MCCC1: variants seen among roughly 807,000 people sequenced by gnomAD.
MCCC1 encodes methylcrotonoyl-CoA carboxylase subunit alpha, mitochondrial.
In MCCC1, 64 loss-of-function variants were observed where a neutral mutation model predicts 83.8. The observed-to-expected ratio is 0.76, with a 90% confidence interval of 0.62 to 0.94. MCCC1 has a LOEUF of 0.94. Ranked by LOEUF, MCCC1 falls within the 40% of genes least tolerant of loss-of-function variation. The pLI is 0.00. For missense variants in MCCC1, 807 were observed against 904.7 expected, an observed-to-expected ratio of 0.89 and a Z score of 1.39; for synonymous variants, 322 against 315.4, an observed-to-expected ratio of 1.02 and a Z score of -0.22.
chr3:183,072,530 C>T (rs748852414), intron 4 of MCCC1, 43 bp from the exon 5 acceptor site: 12 of 1,607,802 alleles, frequency 7.5e-6, no homozygotes, highest in Non-Finnish European at 1.0e-5. Flanking sequence ...CATCAGTGCT[C>T]AACTGGCAAC....
intron 3 of MCCC1, among the ~76,000 whole-genome samples, chr3:183,088,032 G>A (rs1418093829): frequency 2.0e-5 from 3 of 152,014 alleles, no homozygotes; most frequent in African/African-American, 7.2e-5. Flanking sequence ...GACCGAAGAA[G>A]GCTTGTGTGG....
At chr3:183,093,257 C>G (rs747943619) in intron 2 of MCCC1, among the ~76,000 whole-genome samples, 1 of 152,128 alleles carries the variant, frequency 6.6e-6, no homozygotes, top group Non-Finnish European at 1.5e-5. Flanking sequence ...GACTCAACAT[C>G]GACTTAAATT....
rs1052765510 is a variant in MCCC1, at chr3:183,020,379, C to T, written c.1870-142G>A. On this transcript the variant is annotated intron_variant, in intron 16 of 18. Transcript: ENST00000265594. ...AGGCCCAGTGGCTCACGATTGTAAA[C>T]CCAGCACTTTGGGAGGCTGAGGTAG... 1.5e-5 allele frequency: 11 copies of T among 711,276 alleles called. No homozygotes were observed. The Admixed American group carries it at 2.1e-4, about 13-fold the overall frequency. 44.1% of individuals were successfully genotyped at this position (711,276 alleles called of 1,614,324 possible).
At position 183,033,937 on chromosome 3, in the gene MCCC1, T is replaced by C. The variant is rs370854850; in HGVS notation, c.1681+54A>G. 21 of 1,348,718 alleles carry C rather than the reference T, an allele frequency of 1.6e-5. No individual in the cohort carries two copies. The African/African-American group carries it at 2.3e-4, about 15-fold the overall frequency. The allele number at this position is 1,348,718 out of a possible 1,614,324, so 83.5% of individuals were successfully genotyped here. ...CAGGCTGGAATCCTCTTTTTCAGAT[T>C]AATGTGATACATTTCTATGACTCAC... On this transcript the variant is annotated intron_variant, in intron 14 of 18. Transcript: ENST00000265594.
chr3:183,068,745 A>G (rs988302433), intron 7 of MCCC1, among the ~76,000 whole-genome samples: 2 of 152,252 alleles, frequency 1.3e-5, no homozygotes, highest in African/African-American at 4.8e-5. Context: ...ATTTAGTGAC[A>G]TAATAGCACA....
intron 15 of MCCC1, among the ~76,000 whole-genome samples, chr3:183,025,427 T>A (rs1712508256): frequency 6.6e-6 from 1 of 152,190 alleles, no homozygotes; most frequent in African/African-American, 2.4e-5. Flanking sequence ...AGTGTACAGT[T>A]CCTGAGACAA....
At chr3:183,105,254 G>A (rs1210793800) in intron 1 of MCCC1, among the ~76,000 whole-genome samples, 1 of 152,212 alleles carries the variant, frequency 6.6e-6, no homozygotes, top group African/African-American at 2.4e-5. Flanking sequence ...TGAGGCAGGA[G>A]AATTGCTTGA....
intron 8 of MCCC1, among the ~76,000 whole-genome samples, chr3:183,055,078 A>G (rs542753893): frequency 6.6e-6 from 1 of 152,262 alleles, no homozygotes; most frequent in Admixed American, 6.5e-5. Context: ...TGACTGTATT[A>G]TATTTCTGTG....
At chr3:183,048,879 T>C (rs1219873386) in intron 9 of MCCC1, among the ~76,000 whole-genome samples, 1 of 152,192 alleles carries the variant, frequency 6.6e-6, no homozygotes, top group Non-Finnish European at 1.5e-5. Flanking sequence ...TTTAAAAGAA[T>C]ATAAATCATA....
chr3:183,083,174 TA>T (rs1482654577), intron 4 of MCCC1, among the ~76,000 whole-genome samples: 4 of 152,238 alleles, frequency 2.6e-5, no homozygotes, highest in African/African-American at 9.6e-5. Context: ...CAAATCACTA[TA>T]CAAGTGTTAT....
intron 9 of MCCC1, among the ~76,000 whole-genome samples, chr3:183,050,341 AC>A (rs987503464): frequency 5.3e-5 from 8 of 152,092 alleles, no homozygotes; most frequent in Admixed American, 3.9e-4. Flanking sequence ...TATATACAAC[AC>A]CAAAGGCATG....
At chr3:183,078,015 T>C (rs778187399) in intron 4 of MCCC1, among the ~76,000 whole-genome samples, 1 of 152,188 alleles carries the variant, frequency 6.6e-6, no homozygotes, top group Non-Finnish European at 1.5e-5. Flanking sequence ...GTTTTGGTTA[T>C]TGTAGCTTTA....
Position 183,025,252 on chromosome 3 carries a change from T to C in MCCC1, c.1731+503A>G, listed in dbSNP as rs558214183. Among the ~76,000 whole-genome samples the C allele has an allele frequency of 3.3e-5, 5 of 152,330 alleles. No homozygotes were observed. The South Asian group carries it at 8.3e-4, about 25-fold the overall frequency. On this transcript the variant is annotated intron_variant, in intron 15 of 18. Coordinates refer to ENST00000265594, the MANE Select transcript of MCCC1 (RefSeq NM_020166.5). Reference sequence around the variant, plus strand: ...TGGTTGTGATGGTTACATATCAACTTGAATGCACTGAATGCAAATGGTTAA... The same window carrying C: ...TGGTTGTGATGGTTACATATCAACTCGAATGCACTGAATGCAAATGGTTAA...
chr3:183,043,873 A>G (rs1714317399), intron 10 of MCCC1, among the ~76,000 whole-genome samples: 1 of 152,224 alleles, frequency 6.6e-6, no homozygotes, highest in South Asian at 2.1e-4. Flanking sequence ...TTACTGCTTC[A>G]GAAAAATTAT....
At chr3:183,047,534 G>A (rs1714645620) in intron 9 of MCCC1, among the ~76,000 whole-genome samples, 1 of 152,026 alleles carries the variant, frequency 6.6e-6, no homozygotes, top group African/African-American at 2.4e-5. Context: ...ATCAGACACA[G>A]AAATTCTAAA....
intron 16 of MCCC1, among the ~76,000 whole-genome samples, chr3:183,021,226 A>G (rs1712137897): frequency 6.6e-6 from 1 of 152,048 alleles, no homozygotes; most frequent in South Asian, 2.1e-4. Context: ...AGGTACTGTC[A>G]TTATTATTAT....
intron 16 of MCCC1, 92 bp downstream of exon 16, chr3:183,022,325 C>T (rs183581011): frequency 4.3e-4 from 631 of 1,479,308 alleles, no homozygotes; most frequent in South Asian, 6.4e-4. Context: ...TCACAGGAAG[C>T]TGGATCTTTC....
rs1714102747 is a variant in MCCC1, at chr3:183,041,707, G to A, written c.1127C>T (p.Thr376Ile). ...EKIPLSQEEI[T>I]LQGHAFEARI... is the part of the protein sequence containing the mutation. ...AGCTTCGAAGGCATGGCCCTGCAGA[G>A]TTATTTCTTCCTGGCTCAAAGGAAT... The change falls in exon 11 of 19, where the codon ACT becomes ATT. Residue 376 changes from threonine (T) to isoleucine (I), a missense_variant. By Grantham distance (89) the Thr-to-Ile change is moderately conservative (BLOSUM62 -1). Coordinates refer to ENST00000265594, the MANE Select transcript of MCCC1 (RefSeq NM_020166.5). 2 of 1,614,080 alleles carry A rather than the reference G, an allele frequency of 1.2e-6. No individual in the cohort carries two copies. Among genetic ancestry groups the A allele is most frequent in the Non-Finnish European group, 1.7e-6 (2 of 1,180,046 alleles).
chr3:183,102,629 A>G (rs57471871), upstream of MCCC1, among the ~76,000 whole-genome samples: 6,035 of 152,132 alleles, frequency 0.04, 401 homozygotes, highest in African/African-American at 0.14. Flanking sequence ...CCTCTGGAAA[A>G]AAAAGCTGGA....
Sources: gnomAD v4.1 joint callset for allele counts (sites outside exome capture counted in the v4.1 genomes callset) on GRCh38, gnomAD v4.1.1 for gene constraint, MANE v1.5 for transcripts, NCBI Gene and HGNC (gene_info 2026-07-23, HGNC 2026-07-21) for gene names.